Variants in RPTOR observed in about 807,000 individuals in gnomAD.
RPTOR encodes the protein regulatory associated protein of MTOR complex 1.
In RPTOR, 21 loss-of-function variants were observed where a neutral mutation model predicts 169.9. The ratio of observed to expected loss-of-function variants is 0.12; its 90% CI spans 0.09 to 0.18. RPTOR has a LOEUF of 0.18. RPTOR is among the 10% of genes least tolerant of loss of function. RPTOR has a pLI of 1.00. For synonymous variants in RPTOR, 732 were observed against 753.2 expected (o/e 0.97, Z 0.46); for missense variants, 1,133 against 1,855.9 (o/e 0.61, Z 7.16).
At chr17:80,941,039 A>C (rs2144039113) in intron 25 of RPTOR, among the ~76,000 whole-genome samples, 1 of 152,310 alleles carries the variant, frequency 6.6e-6, no homozygotes, top group Non-Finnish European at 1.5e-5. Flanking sequence ...GCCAGGCCCT[A>C]CACATGGCGC....
At chr17:80,841,646 C>G (rs1459160997) in intron 10 of RPTOR, among the ~76,000 whole-genome samples, 1 of 139,824 alleles carries the variant, frequency 7.2e-6, no homozygotes, top group African/African-American at 2.8e-5. Context: ...ACTCACCACA[C>G]GGCAGCTCAC....
chr17:80,825,760 G>A (rs186173222), intron 9 of RPTOR, among the ~76,000 whole-genome samples: 1 of 152,356 alleles, frequency 6.6e-6, no homozygotes, highest in East Asian at 1.9e-4. Context: ...ACCTCCCTGA[G>A]TGTGTCAGAG....
intron 10 of RPTOR, among the ~76,000 whole-genome samples, chr17:80,843,256 T>G (rs2067690481): frequency 6.6e-6 from 1 of 152,172 alleles, no homozygotes; most frequent in Non-Finnish European, 1.5e-5. Context: ...GTTTAAAATT[T>G]CACTTTCTGA....
intron 1 of RPTOR, among the ~76,000 whole-genome samples, chr17:80,608,657 T>C (rs1331140007): frequency 6.6e-6 from 1 of 152,104 alleles, no homozygotes; most frequent in East Asian, 1.9e-4. Context: ...GCTGGGTGCA[T>C]TGCTGCCTTC....
At chr17:80,608,441 G>A (rs574198547) in intron 1 of RPTOR, among the ~76,000 whole-genome samples, 21 of 152,176 alleles carry the variant, frequency 1.4e-4, no homozygotes, top group Non-Finnish European at 2.5e-4. Context: ...TTCTAACAAT[G>A]TATACTCTAA....
chr17:80,830,561 C>T (rs2067492241), intron 9 of RPTOR, among the ~76,000 whole-genome samples: 1 of 152,168 alleles, frequency 6.6e-6, no homozygotes, highest in African/African-American at 2.4e-5. Context: ...CCCACGGTGC[C>T]CCCGCGCTGG....
chr17:80,578,910 C>T (rs1406580197), intron 1 of RPTOR, among the ~76,000 whole-genome samples: 1 of 152,198 alleles, frequency 6.6e-6, no homozygotes, highest in African/African-American at 2.4e-5. Context: ...ACCATCCTCC[C>T]TCCTCGCCTG....
intron 4 of RPTOR, among the ~76,000 whole-genome samples, chr17:80,716,539 G>A (rs1215259560): frequency 6.6e-6 from 1 of 152,034 alleles, no homozygotes; most frequent in Non-Finnish European, 1.5e-5. Flanking sequence ...TCTGCTGACT[G>A]TTCCTTTTGC....
intron 6 of RPTOR, among the ~76,000 whole-genome samples, chr17:80,775,743 A>G (rs760886603): frequency 7.9e-5 from 12 of 152,242 alleles, no homozygotes; most frequent in Non-Finnish European, 1.3e-4. Context: ...TGCACAAATA[A>G]TATTATAACA....
At chr17:80,799,785 G>A (rs987724543) in intron 7 of RPTOR, among the ~76,000 whole-genome samples, 21 of 149,894 alleles carry the variant, frequency 1.4e-4, no homozygotes, top group Non-Finnish European at 2.1e-4. Context: ...TTCCCTCCCC[G>A]GCGACCCTCG....
chr17:80,799,074 T>C (rs1292712109), intron 7 of RPTOR, among the ~76,000 whole-genome samples: 2 of 152,260 alleles, frequency 1.3e-5, no homozygotes, highest in African/African-American at 2.4e-5. Flanking sequence ...CCGAGCGTGA[T>C]ATGACCTTTG....
At chr17:80,875,739 G>T (rs1243362416) in intron 13 of RPTOR, among the ~76,000 whole-genome samples, 2 of 150,178 alleles carry the variant, frequency 1.3e-5, no homozygotes, top group Non-Finnish European at 3.0e-5. Context: ...TGCCACGCAG[G>T]GTGTGTGTGT....
intron 2 of RPTOR, among the ~76,000 whole-genome samples, chr17:80,643,011 T>A (rs1410286720): frequency 1.3e-5 from 2 of 152,228 alleles, no homozygotes; most frequent in South Asian, 4.1e-4. Flanking sequence ...ATATAATGGG[T>A]TATTGTTTTT....
At chr17:80,857,703 C>A in intron 12 of RPTOR, 87 bp from the exon 13 acceptor site, 1 of 809,742 alleles carries the variant, frequency 1.2e-6, no homozygotes. Flanking sequence ...CTGAAGATAG[C>A]ACCGCAGCTG....
intron 13 of RPTOR, among the ~76,000 whole-genome samples, chr17:80,865,593 C>A (rs1234209678): frequency 6.6e-6 from 1 of 152,130 alleles, no homozygotes; most frequent in Admixed American, 6.5e-5. Flanking sequence ...ATTCATCATT[C>A]ATCAAGAGAA....
chr17:80,655,631 C>T (rs1027816483), intron 3 of RPTOR, among the ~76,000 whole-genome samples: 12 of 147,966 alleles, frequency 8.1e-5, no homozygotes, highest in African/African-American at 2.7e-4. Flanking sequence ...GGCTGGAGTG[C>T]GGTGGTGTGA....
At chr17:80,666,363 TAGA>T (rs2065779426) in intron 3 of RPTOR, among the ~76,000 whole-genome samples, 2 of 152,170 alleles carry the variant, frequency 1.3e-5, no homozygotes, top group African/African-American at 2.4e-5. Flanking sequence ...AGATGGAGAC[TAGA>T]AGAAGTGCTA....
intron 1 of RPTOR, among the ~76,000 whole-genome samples, chr17:80,610,309 T>G (rs1271895254): frequency 1.3e-5 from 2 of 152,142 alleles, no homozygotes; most frequent in African/African-American, 4.8e-5. Context: ...TATACAACAT[T>G]ATGATGATAT....
At chr17:80,700,332 A>T (rs1212280600) in intron 3 of RPTOR, among the ~76,000 whole-genome samples, 1 of 151,826 alleles carries the variant, frequency 6.6e-6, no homozygotes, top group African/African-American at 2.4e-5. Flanking sequence ...AGGCTGGAGG[A>T]TAAGTTGGGA....
Sources: allele counts gnomAD v4.1 joint callset (sites outside exome capture counted in the v4.1 genomes callset), GRCh38; gene constraint gnomAD v4.1.1; transcripts MANE v1.5; gene names NCBI Gene and HGNC (gene_info 2026-07-23, HGNC 2026-07-21).